ELMO1: variants seen among roughly 807,000 people sequenced by gnomAD.
ELMO1 encodes engulfment and cell motility 1.
Under a neutral mutation model 98.9 loss-of-function variants are expected in ELMO1, and 26 were observed. The ratio of observed to expected loss-of-function variants is 0.26; its 90% CI spans 0.19 to 0.36. The LOEUF (loss-of-function observed/expected upper bound fraction) is 0.36. Among genes scored for constraint, ELMO1 ranks in the 10% least tolerant of loss-of-function variants. The pLI, the probability that ELMO1 is intolerant of heterozygous loss-of-function variation, is 1.00. For synonymous variants in ELMO1, 346 were observed against 346.0 expected, an observed-to-expected ratio of 1.00 and a Z score of 0.00; for missense variants, 627 against 935.2, an observed-to-expected ratio of 0.67 and a Z score of 4.30.
chr7:37,232,897 C>T (rs1013880911), intron 8 of ELMO1, among the ~76,000 whole-genome samples, 198 bp downstream of exon 8: 3 of 152,088 alleles, frequency 2.0e-5, no homozygotes, highest in African/African-American at 7.2e-5. Context: ...ACATGCAATC[C>T]CTTATAATCT....
chr7:37,331,333 C>CCTTTTTT (rs1800099692), intron 2 of ELMO1, among the ~76,000 whole-genome samples: 1 of 28,716 alleles, frequency 3.5e-5, no homozygotes, highest in Non-Finnish European at 6.8e-5. Context: ...CCACGCCTGG[C>CCTTTTTT]TTTTTTTTTT....
chr7:37,318,675 G>A (rs918517377), intron 2 of ELMO1, among the ~76,000 whole-genome samples: 3 of 152,150 alleles, frequency 2.0e-5, no homozygotes, highest in Admixed American at 2.0e-4. Context: ...CTAAACCACA[G>A]AGGAAAAAGA....
At chr7:37,179,186 A>AT (rs985185990) in intron 13 of ELMO1, among the ~76,000 whole-genome samples, 37 of 151,860 alleles carry the variant, frequency 2.4e-4, no homozygotes, top group Admixed American at 3.9e-4. Flanking sequence ...GCAACAGATA[A>AT]TTTTTTTCTT....
chr7:36,882,095 G>C lies in ELMO1; in HGVS notation c.1715-3978C>G, dbSNP rs59235141. ...CAGGGCACAGCAAGAACCAAACCCC[G>C]AGACTGCCATGGAATCAGGACACAT... is the stretch of plus-strand genomic sequence containing the variant. On this transcript the variant is annotated intron_variant, in intron 18 of 21. Coordinates refer to ENST00000310758, the MANE Select transcript of ELMO1 (RefSeq NM_014800.11). 2.4e-3 allele frequency among the ~76,000 whole-genome samples: 367 copies of C among 152,280 alleles called. 8 individuals carry two copies. Among genetic ancestry groups the C allele is most frequent in the East Asian group, 0.024 (123 of 5,170 alleles).
At chr7:37,052,575 G>A (rs774396590) in intron 15 of ELMO1, among the ~76,000 whole-genome samples, 2 of 152,096 alleles carry the variant, frequency 1.3e-5, no homozygotes, top group Non-Finnish European at 2.9e-5. Flanking sequence ...TATAGAAGAC[G>A]CAACTGTTTA....
At chr7:36,979,596 T>C (rs534390123) in intron 16 of ELMO1, among the ~76,000 whole-genome samples, 1 of 152,312 alleles carries the variant, frequency 6.6e-6, no homozygotes, top group Admixed American at 6.5e-5. Flanking sequence ...ACTACCCTCA[T>C]GGTACTAGAA....
intron 1 of ELMO1, among the ~76,000 whole-genome samples, chr7:37,398,636 G>A (rs527949051): frequency 8.0e-5 from 12 of 150,590 alleles, no homozygotes; most frequent in Admixed American, 4.7e-4. Flanking sequence ...GAAAGAATGC[G>A]GGATGGGAGG....
chr7:37,062,572 C>T (rs868781130), intron 15 of ELMO1, among the ~76,000 whole-genome samples: 2 of 152,088 alleles, frequency 1.3e-5, no homozygotes, highest in South Asian at 2.1e-4. Context: ...CTTTCCCCAA[C>T]AATAATCCAT....
At chr7:37,367,632 A>G (rs372408442) in intron 1 of ELMO1, among the ~76,000 whole-genome samples, 3 of 152,210 alleles carry the variant, frequency 2.0e-5, no homozygotes, top group African/African-American at 4.8e-5. Flanking sequence ...GAATAGGTTA[A>G]TTAAGCATAG....
chr7:36,975,055 G>A (rs1460328097), intron 16 of ELMO1, among the ~76,000 whole-genome samples: 1 of 152,318 alleles, frequency 6.6e-6, no homozygotes, highest in Non-Finnish European at 1.5e-5. Flanking sequence ...GAAGGTCCAC[G>A]GCTTCATTCT....
intron 16 of ELMO1, among the ~76,000 whole-genome samples, chr7:36,962,413 GGTTAGC>G (rs1789029182): frequency 6.6e-6 from 1 of 152,138 alleles, no homozygotes; most frequent in African/African-American, 2.4e-5. Flanking sequence ...ATGGAAGATG[GGTTAGC>G]GTGGGAGCCA....
chr7:36,882,566 G>A (rs779922182), intron 18 of ELMO1, among the ~76,000 whole-genome samples: 5 of 152,182 alleles, frequency 3.3e-5, no homozygotes, highest in Non-Finnish European at 7.3e-5. Flanking sequence ...AAATGACACC[G>A]GAGTCCCTAG....
chr7:36,923,113 G>A (rs1454706097), intron 16 of ELMO1, among the ~76,000 whole-genome samples: 2 of 152,180 alleles, frequency 1.3e-5, no homozygotes, highest in Non-Finnish European at 2.9e-5. Flanking sequence ...GTGGGCAGTG[G>A]AACTATTAGA....
chr7:37,038,318 C>G (rs1179687014), intron 15 of ELMO1, among the ~76,000 whole-genome samples: 1 of 152,200 alleles, frequency 6.6e-6, no homozygotes, highest in Non-Finnish European at 1.5e-5. Flanking sequence ...CCACCTTCAT[C>G]CTGTCCCTGG....
rs527469232 is a variant in ELMO1, at chr7:37,277,563, G to A, written c.193-5681C>T. ...GAGGGAAGAGCAGGAGTAAGGGGTG[G>A]CACTCCAGCTCTGATTTGCTGTTAG... On this transcript the variant is annotated intron_variant, in intron 4 of 21. Transcript: ENST00000310758. Among the ~76,000 whole-genome samples the A allele has an allele frequency of 1.4e-4, 22 of 152,298 alleles. 1 individual carries two copies. The South Asian group carries it at 3.7e-3, about 26-fold the overall frequency.
At chr7:37,086,743 CAAAAAAAA>C (rs755237121) in intron 15 of ELMO1, among the ~76,000 whole-genome samples, 1 of 48,820 alleles carries the variant, frequency 2.0e-5, no homozygotes, top group African/African-American at 7.1e-5. Flanking sequence ...ATCCTGTCTC[CAAAAAAAA>C]AAAAAAAAAA....
At chr7:36,935,337 T>G (rs188306032) in intron 16 of ELMO1, among the ~76,000 whole-genome samples, 3 of 152,168 alleles carry the variant, frequency 2.0e-5, no homozygotes, top group Admixed American at 2.0e-4. Context: ...CTCTTTCTTT[T>G]GTAAATTGCC....
intron 1 of ELMO1, among the ~76,000 whole-genome samples, chr7:37,349,731 G>A (rs1376090030): frequency 1.3e-5 from 2 of 152,174 alleles, no homozygotes; most frequent in Non-Finnish European, 2.9e-5. Flanking sequence ...TGGGATTATA[G>A]GCGTGAGCCA....
chr7:37,310,328 ACCT>A (rs1413276196), intron 4 of ELMO1, among the ~76,000 whole-genome samples: 1 of 151,858 alleles, frequency 6.6e-6, no homozygotes, highest in African/African-American at 2.4e-5. Context: ...ACACAACCTA[ACCT>A]CCTCATGGCT....
Sources: gnomAD v4.1 joint callset for allele counts (sites outside exome capture counted in the v4.1 genomes callset) on GRCh38, gnomAD v4.1.1 for gene constraint, MANE v1.5 for transcripts, NCBI Gene and HGNC (gene_info 2026-07-23, HGNC 2026-07-21) for gene names.